Variants in PDE2A observed in about 807,000 individuals in gnomAD.
The protein encoded by PDE2A is phosphodiesterase 2A, also known as cGMP-dependent 3',5'-cyclic phosphodiesterase.
In PDE2A, 53 loss-of-function variants were observed where a neutral mutation model predicts 133.6. That is an observed-to-expected ratio of 0.40 (90% confidence interval 0.32 to 0.50). PDE2A has a LOEUF of 0.50. Among genes scored for constraint, PDE2A ranks in the 20% least tolerant of loss-of-function variants. The pLI is 0.73. For synonymous variants in PDE2A, 491 were observed against 490.2 expected (o/e 1.00, Z -0.02); for missense variants, 796 against 1,232.4 (o/e 0.65, Z 5.30).
intron 26 of PDE2A, 36 bp from the exon 27 acceptor site, chr11:72,579,419 G>T: frequency 6.4e-7 from 1 of 1,572,334 alleles, no homozygotes; most frequent in Non-Finnish European, 8.7e-7. Context: ...CCCTCCTACT[G>T]GACACCCCCA....
chr11:72,640,217 G>A (rs1182542052), intron 2 of PDE2A, among the ~76,000 whole-genome samples: 1 of 151,382 alleles, frequency 6.6e-6, no homozygotes, highest in Non-Finnish European at 1.5e-5. Context: ...CCAGCCACAG[G>A]TGTATGCATC....
intron 2 of PDE2A, 138 bp downstream of exon 2, chr11:72,642,115 CT>C (rs1858977488): frequency 8.1e-7 from 1 of 1,235,282 alleles, no homozygotes; most frequent in African/African-American, 1.6e-5. Context: ...TTGGTCTGCG[CT>C]GCCGTCCCAG....
At chr11:72,604,129 C>T (rs567730940) in intron 4 of PDE2A, among the ~76,000 whole-genome samples, 20 of 152,362 alleles carry the variant, frequency 1.3e-4, no homozygotes, top group African/African-American at 4.8e-4. Flanking sequence ...AGCTCCTGCC[C>T]AGTGCTCCCT....
chr11:72,669,030 T>C (rs1855322360), intron 1 of PDE2A: 1 of 915,162 alleles, frequency 1.1e-6, no homozygotes, highest in South Asian at 4.8e-5. Context: ...ACCTGCCGCA[T>C]GCCAGGGGCT....
At chr11:72,648,527 G>A (rs1296446387) in intron 1 of PDE2A, among the ~76,000 whole-genome samples, 1 of 152,132 alleles carries the variant, frequency 6.6e-6, no homozygotes, top group Non-Finnish European at 1.5e-5. Flanking sequence ...GGGCTGTAGG[G>A]TGGGTCAGCC....
At chr11:72,655,510 CGTGTGTGTGTGTGCAT>C (rs906637622) in intron 1 of PDE2A, among the ~76,000 whole-genome samples, 8 of 151,136 alleles carry the variant, frequency 5.3e-5, no homozygotes, top group African/African-American at 1.7e-4. Flanking sequence ...TGTGCACGCA[CGTGTGTGTGTGTGCAT>C]GTGTGTGTGT....
Position 72,589,158 on chromosome 11 carries a change from GC to G in PDE2A, c.939+16del. The G allele has an allele frequency of 6.2e-7, 1 of 1,607,924 alleles. No individual in the cohort carries two copies. ...GGTCTCCTCTTTCCCCTCTGGGTCAGCCAGGCCATGACTTACGGAGGTGAGG... is the reference window on the plus strand; with the variant it reads ...GGTCTCCTCTTTCCCCTCTGGGTCAGCAGGCCATGACTTACGGAGGTGAGG... On this transcript the variant is annotated intron_variant, in intron 12 of 30. Transcript: ENST00000334456.
intron 2 of PDE2A, among the ~76,000 whole-genome samples, chr11:72,631,721 C>T (rs184769963): frequency 3.6e-4 from 55 of 152,142 alleles, no homozygotes; most frequent in Non-Finnish European, 5.7e-4. Context: ...CCACAGTTCC[C>T]GGAATGCTAG....
At chr11:72,669,592 A>G (rs1158391618) in intron 1 of PDE2A, among the ~76,000 whole-genome samples, 2 of 152,174 alleles carry the variant, frequency 1.3e-5, no homozygotes, top group African/African-American at 2.4e-5. Context: ...GGAGGCCACA[A>G]TCCTGTGTCT....
chr11:72,591,535 T>C (rs144906364), intron 6 of PDE2A, among the ~76,000 whole-genome samples, 179 bp from the exon 7 acceptor site: 2 of 152,202 alleles, frequency 1.3e-5, no homozygotes, highest in Non-Finnish European at 2.9e-5. Flanking sequence ...AAATCCCTCC[T>C]GTAGGAAGTC....
At chr11:72,605,911 A>T (rs1330834581) in intron 3 of PDE2A, among the ~76,000 whole-genome samples, 2 of 152,228 alleles carry the variant, frequency 1.3e-5, no homozygotes, top group East Asian at 3.9e-4. Context: ...TTAGGAACAG[A>T]CAGTGAGGGA....
chr11:72,631,161 G>A (rs1369169450), intron 2 of PDE2A: 3 of 1,532,690 alleles, frequency 2.0e-6, no homozygotes, highest in African/African-American at 1.4e-5. Flanking sequence ...AGAAGGTCAG[G>A]GGCTGAGGCC....
At chr11:72,608,595 A>T (rs1479262782) in intron 3 of PDE2A, 67 bp downstream of exon 3, 2 of 808,054 alleles carry the variant, frequency 2.5e-6, no homozygotes, top group African/African-American at 3.4e-5. Flanking sequence ...TGAGTGAGGT[A>T]CAGCATAGAG....
rs1234923209 is a variant in PDE2A at position 72,597,652 on chromosome 11, C to T, written c.324-33G>A. The T allele has an allele frequency of 6.9e-7, 1 of 1,448,016 alleles. No individual in the cohort carries two copies. The highest frequency in any genetic ancestry group is 1.7e-5 in the Admixed American group (1 of 57,858). The allele number at this position is 1,448,016 out of a possible 1,614,324, so 89.7% of individuals were successfully genotyped here. On this transcript the variant is annotated intron_variant, in intron 4 of 30. Coordinates refer to ENST00000334456, the MANE Select transcript of PDE2A (RefSeq NM_002599.5). The surrounding 1 kb of genome is among the most constrained non-coding windows in gnomAD (Gnocchi z 4.6). Reference sequence around the variant, plus strand: ...GAGGACATGATGCCACCTTGAGAGCCCCCGACTCAGGGAGGAACGAGGCCT... The same window carrying T: ...GAGGACATGATGCCACCTTGAGAGCTCCCGACTCAGGGAGGAACGAGGCCT...
At chr11:72,608,563 C>G in intron 3 of PDE2A, 99 bp downstream of exon 3, 1 of 685,020 alleles carries the variant, frequency 1.5e-6, no homozygotes, top group South Asian at 1.6e-5. Context: ...AGGGACCCTG[C>G]CTCTTCCTTC....
At chr11:72,639,776 AG>A (rs960191154) in intron 2 of PDE2A, among the ~76,000 whole-genome samples, 3 of 152,160 alleles carry the variant, frequency 2.0e-5, no homozygotes, top group Non-Finnish European at 4.4e-5. Context: ...TGAAGGGCAA[AG>A]GGTAGGGGCA....
intron 1 of PDE2A, among the ~76,000 whole-genome samples, chr11:72,651,271 A>C (rs970266401): frequency 1.3e-5 from 2 of 152,262 alleles, no homozygotes; most frequent in East Asian, 3.9e-4. Flanking sequence ...AGACTCCAGC[A>C]CCTGGTTTCT....
At chr11:72,594,695 T>C (rs558268320) in intron 6 of PDE2A, among the ~76,000 whole-genome samples, 60 of 152,038 alleles carry the variant, frequency 3.9e-4, no homozygotes, top group African/African-American at 1.2e-3. Context: ...ACACCACCCC[T>C]TCCCCCGGCC....
chr11:72,631,715 A>G (rs1413757676), intron 2 of PDE2A, among the ~76,000 whole-genome samples: 3 of 151,740 alleles, frequency 2.0e-5, no homozygotes, highest in Non-Finnish European at 4.4e-5. Context: ...CCACTTCCAC[A>G]GTTCCCGGAA....
Sources: allele counts gnomAD v4.1 joint callset (sites outside exome capture counted in the v4.1 genomes callset), GRCh38; gene constraint gnomAD v4.1.1; non-coding constraint Gnocchi (gnomAD v3.1); transcripts MANE v1.5; gene names NCBI Gene and HGNC (gene_info 2026-07-23, HGNC 2026-07-21).